Variants in TSC2 observed in about 807,000 individuals in gnomAD.
The protein encoded by TSC2 is TSC complex subunit 2.
TSC2 carries 29 observed loss-of-function variants against 202.2 expected under a neutral mutation model. The ratio of observed to expected loss-of-function variants is 0.14; its 90% CI spans 0.11 to 0.20. TSC2 has a LOEUF of 0.20. Among genes scored for constraint, TSC2 ranks in the 10% least tolerant of loss-of-function variants. The probability of loss-of-function intolerance (pLI) is 1.00; values close to 1 mark genes in which losing one functional copy is unlikely to be tolerated. For synonymous variants in TSC2, 1,349 were observed against 1,044.0 expected (o/e 1.29, Z -5.63); for missense variants, 2,429 against 2,420.0 (o/e 1.00, Z -0.08).
In TSC2 at chr16:2,070,514, G is replaced by T; in HGVS notation, c.1775G>T (p.Ser592Ile). 3 of 1,613,408 alleles carry T rather than the reference G, an allele frequency of 1.9e-6. No individual in the cohort carries two copies. The highest frequency in any genetic ancestry group is 2.5e-6 in the Non-Finnish European group (3 of 1,180,038). ...ACGCGTGTGTATGAGATGCTGGTCA[G>T]CCACATTCAGCTCCACTACAAGCAC... ...HATRVYEMLV[S>I]HIQLHYKHSY... The change falls in exon 17 of 42, where the codon AGC becomes ATC. Residue 592 changes from serine to isoleucine, a missense_variant. Transcript: ENST00000219476.
At chr16:2,064,624 C>A in intron 15 of TSC2, 197 bp downstream of exon 15, 1 of 811,184 alleles carries the variant, frequency 1.2e-6, no homozygotes, top group Non-Finnish European at 2.0e-6. Flanking sequence ...GACTGAAAGT[C>A]CTGGACATGG....
chr16:2,083,615 A>G (rs760962612), intron 32 of TSC2, 80 bp from the exon 33 acceptor site: 2 of 1,544,960 alleles, frequency 1.3e-6, no homozygotes, highest in African/African-American at 1.4e-5. Flanking sequence ...TGGTCAGGAG[A>G]AGGCTGGTTC....
rs1184335019 is a variant in TSC2, at chr16:2,048,008, AG to A, written c.-81del. On this transcript the variant is annotated 5_prime_UTR_variant, in exon 1 of 42. Coordinates refer to ENST00000219476, the MANE Select transcript of TSC2 (RefSeq NM_000548.5). Reference sequence around the variant, plus strand: ...GCGCTTCCGGCGGCGTCCCGGGGCCAGGGGGGTGCGCCTTTCTCCGCGTCGG... The same window carrying A: ...GCGCTTCCGGCGGCGTCCCGGGGCCAGGGGGTGCGCCTTTCTCCGCGTCGG... The A allele has an allele frequency of 3.2e-5, 47 of 1,485,978 alleles. No individual in the cohort carries two copies. The highest frequency in any genetic ancestry group is 2.3e-4 in the African/African-American group (16 of 69,944). The allele number at this position is 1,485,978 out of a possible 1,614,324, so 92.0% of individuals were successfully genotyped here. A position where few individuals can be genotyped will look rare whatever the true frequency, so the allele number is the denominator to read the frequency against.
chr16:2,058,777 A>G lies in TSC2; in HGVS notation c.879A>G (p.Arg293=), dbSNP rs369222477. The G allele has an allele frequency of 3.3e-5, 52 of 1,591,386 alleles. No individual in the cohort carries two copies. Among genetic ancestry groups the G allele is most frequent in the Non-Finnish European group, 4.2e-5 (49 of 1,168,578 alleles). Residue 293 remains arginine (R), a synonymous_variant, in exon 10 of 42, where the codon AGA becomes AGG. Transcript: ENST00000219476. The part of the protein sequence containing the change: ...RAYMEDAPLL[R]GAVFFVGMAL... Reference sequence around the variant, plus strand: ...ACATGGAGGACGCGCCCCTGCTGAGAGGAGCCGTGTTTTTTGTGGGCATGG... The same window carrying G: ...ACATGGAGGACGCGCCCCTGCTGAGGGGAGCCGTGTTTTTTGTGGGCATGG...
At chr16:2,080,424 A>T (rs749111766) in intron 30 of TSC2, 47 bp downstream of exon 30, 2 of 1,603,044 alleles carry the variant, frequency 1.2e-6, no homozygotes, top group Non-Finnish European at 1.7e-6. Context: ...CCAGTCACCC[A>T]CAGAGCTGTG....
intron 4 of TSC2, chr16:2,053,841 G>A (rs1325737371): frequency 2.0e-6 from 1 of 498,006 alleles, no homozygotes; most frequent in Admixed American, 2.3e-5. Context: ...GGCTGACCCT[G>A]AACACCCAGG....
intron 2 of TSC2, 134 bp downstream of exon 2, chr16:2,048,887 A>T: frequency 4.6e-6 from 6 of 1,293,934 alleles, no homozygotes; most frequent in Non-Finnish European, 5.5e-6. Flanking sequence ...CAGTACTTGG[A>T]GGCCGACATG....
chr16:2,060,988 A>T (rs1469605777), intron 11 of TSC2, 175 bp downstream of exon 11: 2 of 824,380 alleles, frequency 2.4e-6, no homozygotes, highest in African/African-American at 3.4e-5. Context: ...GACAGGTCTG[A>T]TTTTTCCAGA....
At chr16:2,061,646 C>T (rs920184612) in intron 11 of TSC2, 6 of 652,458 alleles carry the variant, frequency 9.2e-6, no homozygotes, top group African/African-American at 1.8e-5. Flanking sequence ...GGGGGGTGTC[C>T]TGGGCCACGT....
intron 31 of TSC2, 166 bp from the exon 32 acceptor site, chr16:2,082,270 C>A: frequency 1.3e-6 from 1 of 751,384 alleles, no homozygotes; most frequent in Non-Finnish European, 2.3e-6. Flanking sequence ...CTGCCCTCCT[C>A]AGGTCTGCCC....
intron 10 of TSC2, 113 bp downstream of exon 10, chr16:2,058,986 C>A: frequency 6.6e-7 from 1 of 1,510,552 alleles, no homozygotes; most frequent in Non-Finnish European, 8.9e-7. Context: ...CATTTCTAGG[C>A]CTTTCCAGGC....
chr16:2,088,897 A>T lies in TSC2; in HGVS notation c.*287A>T, dbSNP rs2091282628. ...TGCGCGCGCGCACACACACACACAC[A>T]CAGTCACCTTCCTCCACCCTGGGAG... is the stretch of plus-strand genomic sequence containing the variant. On this transcript the variant is annotated 3_prime_UTR_variant, in exon 42 of 42. Coordinates refer to ENST00000219476, the MANE Select transcript of TSC2 (RefSeq NM_000548.5). 2.3e-6 allele frequency: 1 copy of T among 426,030 alleles called. No homozygotes were observed. The highest frequency in any genetic ancestry group is 4.3e-6 in the Non-Finnish European group (1 of 231,104). 26.4% of individuals were successfully genotyped at this position (426,030 alleles called of 1,614,324 possible).
chr16:2,083,426 G>A (rs2090375786), intron 32 of TSC2: 1 of 592,236 alleles, frequency 1.7e-6, no homozygotes, highest in Non-Finnish European at 3.1e-6. Flanking sequence ...AGGCACAGGG[G>A]TGGCTGCTGG....
intron 32 of TSC2, chr16:2,082,959 CCT>C: frequency 2.6e-6 from 1 of 380,434 alleles, no homozygotes; most frequent in Non-Finnish European, 5.3e-6. Context: ...TGCAGACCGA[CCT>C]CTGCCTGTTG....
rs149414718 is a variant in TSC2 at position 2,078,094 on chromosome 16, A to T, written c.2966+368A>T. 3.3e-3 allele frequency: 1,025 copies of T among 315,272 alleles called. 13 individuals carry two copies. Among genetic ancestry groups the T allele is most frequent in the African/African-American group, 0.019 (884 of 46,496 alleles). 19.5% of individuals were successfully genotyped at this position (315,272 alleles called of 1,614,324 possible). Reference sequence around the variant, plus strand: ...CGTTTTTCTTCGGGCTTTCTTCTCAACAAGGTTTATTTTTTGTTGTAGCTG... The same window carrying T: ...CGTTTTTCTTCGGGCTTTCTTCTCATCAAGGTTTATTTTTTGTTGTAGCTG... On this transcript the variant is annotated intron_variant, in intron 26 of 41. Coordinates refer to ENST00000219476, the MANE Select transcript of TSC2 (RefSeq NM_000548.5).
chr16:2,062,379 C>G, intron 12 of TSC2, 118 bp from the exon 13 acceptor site: 1 of 965,204 alleles, frequency 1.0e-6, no homozygotes. Context: ...GGGCTGTGGG[C>G]TGCAGGCTGT....
chr16:2,078,666 C>T (rs2089726599), intron 26 of TSC2: 1 of 367,900 alleles, frequency 2.7e-6, no homozygotes, highest in South Asian at 2.3e-5. Context: ...CGGAGGCAGC[C>T]TGCGGGCAGA....
chr16:2,083,252 A>T (rs1326474380), intron 32 of TSC2: 1 of 461,536 alleles, frequency 2.2e-6, no homozygotes, highest in African/African-American at 2.0e-5. Flanking sequence ...TTGGAGTTGG[A>T]GGGTGAGCCT....
intron 32 of TSC2, 122 bp downstream of exon 32, chr16:2,082,626 G>A: frequency 9.1e-7 from 1 of 1,102,802 alleles, no homozygotes; most frequent in Non-Finnish European, 1.4e-6. Context: ...TGGGGAGCAG[G>A]TCCCGACTCG....
Sources: gnomAD v4.1 joint callset for allele counts on GRCh38, gnomAD v4.1.1 for gene constraint, MANE v1.5 for transcripts, NCBI Gene and HGNC (gene_info 2026-07-23, HGNC 2026-07-21) for gene names.